PTRH1: variants seen among roughly 807,000 people sequenced by gnomAD.
PTRH1 encodes the protein peptidyl-tRNA hydrolase 1 homolog, also known as peptidyl-tRNA hydrolase.
PTRH1 carries 13 observed loss-of-function variants against 15.7 expected under a neutral mutation model. The observed-to-expected ratio is 0.83, with a 90% CI of 0.54 to 1.31. PTRH1 has a LOEUF of 1.31. PTRH1 is among the 40% of genes most tolerant of loss of function. The probability of loss-of-function intolerance (pLI) is 0.00; values close to 1 mark genes in which losing one functional copy is unlikely to be tolerated. For missense variants in PTRH1, 319 were observed against 296.2 expected, an observed-to-expected ratio of 1.08 and a Z score of -0.56; for synonymous variants, 139 against 136.7, an observed-to-expected ratio of 1.02 and a Z score of -0.12.
At chr9:127,710,044 G>A (rs959168312), downstream of PTRH1, among the ~76,000 whole-genome samples, 2 of 152,184 alleles carry the variant, frequency 1.3e-5, no homozygotes, top group African/African-American at 4.8e-5. Context: ...AGGCCAAGGC[G>A]GGAGGATTGC....
At chr9:127,697,073 C>T (rs1842567325) in intron 1 of PTRH1, among the ~76,000 whole-genome samples, 1 of 152,158 alleles carries the variant, frequency 6.6e-6, no homozygotes, top group South Asian at 2.1e-4. Flanking sequence ...GTCCCCTGTG[C>T]ATTACCTGTT....
Position 127,714,276 on chromosome 9 carries a change from G to T in PTRH1, c.469C>A (p.Pro157Thr). The change falls in exon 5 of 5, where the codon CCA (proline) becomes ACA (threonine). Residue 157 changes from proline (P) to threonine (T), a missense_variant. Pro to Thr is a conservative substitution (Grantham distance 38). Transcript: ENST00000543175. ...CISCLNSNAMPRLRVGIGRPA... is the reference protein window; with the variant it reads ...CISCLNSNAMTRLRVGIGRPA... The stretch of plus-strand genomic sequence containing the variant: ...CGCCCGATACCCACCCGCAGCCTTG[G>T]CATTGCCTGTGGGAGAGCCAGAGAG... The T allele has an allele frequency of 6.2e-7, 1 of 1,613,962 alleles. No individual in the cohort carries two copies. Among genetic ancestry groups the T allele is most frequent in the Non-Finnish European group, 8.5e-7 (1 of 1,179,920 alleles).
chr9:127,713,666 C>T (rs1355467259), downstream of PTRH1: 10 of 533,480 alleles, frequency 1.9e-5, no homozygotes, highest in Non-Finnish European at 3.4e-5. Context: ...ACCACCATGC[C>T]TGGCTACTTT....
chr9:127,707,426 G>A (rs1294792395), intron 1 of PTRH1, among the ~76,000 whole-genome samples: 4 of 152,162 alleles, frequency 2.6e-5, no homozygotes, highest in Non-Finnish European at 5.9e-5. Context: ...CTGGGCCCAC[G>A]ATGCTAGCTC....
intron 1 of PTRH1, among the ~76,000 whole-genome samples, chr9:127,698,015 A>G (rs1203436071): frequency 2.0e-5 from 3 of 152,210 alleles, no homozygotes; most frequent in African/African-American, 7.2e-5. Flanking sequence ...TCAGAGTGGG[A>G]AAAAACTGTT....
At chr9:127,699,793 T>C (rs1000300733) in intron 1 of PTRH1, among the ~76,000 whole-genome samples, 2 of 152,158 alleles carry the variant, frequency 1.3e-5, no homozygotes, top group African/African-American at 4.8e-5. Flanking sequence ...CAGGCACTTT[T>C]AATTCTCAGT....
chr9:127,712,322 C>T (rs1842785182), downstream of PTRH1: 1 of 1,613,864 alleles, frequency 6.2e-7, no homozygotes, highest in African/African-American at 1.3e-5. Flanking sequence ...TGGTCCAGGC[C>T]ACCTCCTTCC....
rs759084414 is a variant in PTRH1, at chr9:127,715,628, G to T, written c.12C>A (p.Gly4=). 1.7e-5 allele frequency: 28 copies of T among 1,612,038 alleles called. No homozygotes were observed. The highest frequency in any genetic ancestry group is 2.3e-5 in the Non-Finnish European group (27 of 1,179,874). Residue 4 remains glycine, a synonymous_variant, in exon 1 of 5, where the codon GGC becomes GGA. Transcript: ENST00000543175. The surrounding 1 kb of genome is among the most constrained non-coding windows in gnomAD (Gnocchi z 5.8). ...GCCGCTGTCCGGCGCCCAAAAAGCC[G>T]CCCGGCCTCATGCTGCCCCCATTCA... MRP[G]GFLGAGQRLS... is the part of the protein sequence containing the mutation.
At chr9:127,709,998 G>A (rs566144788), downstream of PTRH1, among the ~76,000 whole-genome samples, 3 of 152,202 alleles carry the variant, frequency 2.0e-5, no homozygotes, top group South Asian at 2.1e-4. This position sits in a 1 kb window ranked among gnomAD's most constrained non-coding sequence, Gnocchi z 4.7. Flanking sequence ...CTGGCTGGGC[G>A]TGGTGGCCCA....
downstream of PTRH1, chr9:127,713,758 C>T: frequency 8.1e-7 from 1 of 1,239,100 alleles, no homozygotes; most frequent in Non-Finnish European, 1.2e-6. Flanking sequence ...CCCCCAGCCT[C>T]GGCCTCCCAA....
At chr9:127,706,745 C>T (rs1842653214) in intron 1 of PTRH1, among the ~76,000 whole-genome samples, 1 of 152,236 alleles carries the variant, frequency 6.6e-6, no homozygotes, top group Non-Finnish European at 1.5e-5. Context: ...TGAACTTTCC[C>T]CATGGCGCTT....
chr9:127,695,066 T>TGAC (rs1842545933), exon 2 of PTRH1: 1 of 697,442 alleles, frequency 1.4e-6, no homozygotes, highest in Non-Finnish European at 2.6e-6. Flanking sequence ...ATGATGATGA[T>TGAC]GATGATGATG....
chr9:127,714,115 G>T lies in PTRH1; in HGVS notation c.630C>A (p.Pro210=). 1 of 1,613,148 alleles carries T rather than the reference G, an allele frequency of 6.2e-7. No individual in the cohort carries two copies. The highest frequency in any genetic ancestry group is 8.5e-7 in the Non-Finnish European group (1 of 1,179,794). ...GCCACTAGTGTCACGGCCCCAGTGA[G>T]GGCCCCTGGCTTCGCTCACGGATGT... ...LDHIRERSQG[P]SLGP The change falls in exon 5 of 5, where the codon CCC becomes CCA. Residue 210 remains proline, a synonymous_variant. Transcript: ENST00000543175.
At chr9:127,714,769 CATG>C in intron 2 of PTRH1, 67 bp from the exon 3 acceptor site, 1 of 1,347,200 alleles carries the variant, frequency 7.4e-7, no homozygotes, top group Non-Finnish European at 1.0e-6. Context: ...TCCCGACTCC[CATG>C]ATGAGGGACC....
Position 127,715,648 on chromosome 9 carries a change from C to T in PTRH1, c.-9G>A, listed in dbSNP as rs367957409. On this transcript the variant is annotated 5_prime_UTR_variant, in exon 1 of 5. It removes an upstream start codon present in the reference 5' UTR. Transcript: ENST00000543175. This position sits in a 1 kb window ranked among gnomAD's most constrained non-coding sequence, Gnocchi z 5.8. The stretch of plus-strand genomic sequence containing the variant: ...AAGCCGCCCGGCCTCATGCTGCCCC[C>T]ATTCACTCCGACACCGCCCCCTGAC... 1.1e-5 allele frequency: 17 copies of T among 1,610,272 alleles called. No homozygotes were observed. Among genetic ancestry groups the T allele is most frequent in the Middle Eastern group, 1.6e-4 (1 of 6,078 alleles).
exon 2 of PTRH1, chr9:127,695,090 T>TGAC (rs1412334243): frequency 1.4e-6 from 1 of 701,770 alleles, no homozygotes; most frequent in Non-Finnish European, 2.6e-6. Context: ...ATGATGATGA[T>TGAC]GATGGTGATG....
downstream of PTRH1, chr9:127,711,796 A>G: frequency 6.4e-7 from 1 of 1,550,494 alleles, no homozygotes; most frequent in Non-Finnish European, 8.7e-7. Context: ...GGCTGAGGGC[A>G]TGGCCACCTG....
chr9:127,700,538 T>TGAAGCC lies in PTRH1; in HGVS notation c.206-5403_206-5398dup, dbSNP rs1354192264. ...AGATGGGGGGGTCAGACATGCCTCA[T>TGAAGCC]GAAGCCTCTCCGTTTTACAGTTTAG... On this transcript the variant is annotated intron_variant, in intron 1 of 2. Transcript: ENST00000335223. Among the ~76,000 whole-genome samples, 16 of 152,292 alleles carry TGAAGCC rather than the reference T, an allele frequency of 1.1e-4. No individual in the cohort carries two copies. The East Asian group carries it at 2.7e-3, about 26-fold the overall frequency.
At chr9:127,707,171 A>G in intron 1 of PTRH1, 1 of 1,612,942 alleles carries the variant, frequency 6.2e-7, no homozygotes, top group East Asian at 2.2e-5. Flanking sequence ...CAGATCCGAG[A>G]CCTGGAGGAC....
Sources: gnomAD v4.1 joint callset for allele counts (sites outside exome capture counted in the v4.1 genomes callset) on GRCh38, gnomAD v4.1.1 for gene constraint, Gnocchi (gnomAD v3.1) non-coding constraint, MANE v1.5 for transcripts, NCBI Gene and HGNC (gene_info 2026-07-23, HGNC 2026-07-21) for gene names.